The following NRG3 variants were observed in gnomAD, a reference collection of about 807,000 sequenced individuals.
NRG3 encodes the protein pro-neuregulin-3, membrane-bound isoform.
Under a neutral mutation model 66.9 loss-of-function variants are expected in NRG3, and 31 were observed. The ratio of observed to expected loss-of-function variants is 0.46; its 90% CI spans 0.35 to 0.63. The LOEUF (loss-of-function observed/expected upper bound fraction) is 0.63. NRG3 is among the 20% of genes least tolerant of loss of function. The pLI is 0.00. For missense variants in NRG3, 910 were observed against 878.9 expected (o/e 1.04, Z -0.45); for synonymous variants, 393 against 359.4 (o/e 1.09, Z -1.06).
intron 1 of NRG3, among the ~76,000 whole-genome samples, chr10:82,125,583 A>C (rs714255): frequency 6.6e-6 from 1 of 151,740 alleles, no homozygotes; most frequent in Non-Finnish European, 1.5e-5. Flanking sequence ...AAATACCATC[A>C]ATATGCTGGT....
At chr10:82,477,518 C>T (rs1171993580) in intron 2 of NRG3, among the ~76,000 whole-genome samples, 1 of 152,132 alleles carries the variant, frequency 6.6e-6, no homozygotes, top group African/African-American at 2.4e-5. Context: ...AGCCCATGCC[C>T]TTGACCACTT....
intron 1 of NRG3, among the ~76,000 whole-genome samples, chr10:82,043,211 T>G (rs1390722235): frequency 6.6e-6 from 1 of 152,018 alleles, no homozygotes; most frequent in Non-Finnish European, 1.5e-5. Context: ...ATTCAAGTGT[T>G]GTGTGATGGT....
rs144708806 is a variant in NRG3 at position 82,703,455 on chromosome 10, C to T, written c.954-35122C>T. 3.8e-3 allele frequency among the ~76,000 whole-genome samples: 575 copies of T among 152,166 alleles called. 3 individuals carry two copies. Among genetic ancestry groups the T allele is most frequent in the African/African-American group, 0.012 (506 of 41,526 alleles). The stretch of plus-strand genomic sequence containing the variant: ...CCCAAATCACTGTTGGGGGAACAGA[C>T]GATTTATTCTATCTTGCTACTCACT... On this transcript the variant is annotated intron_variant, in intron 2 of 8. Transcript: ENST00000372141.
chr10:82,689,367 G>T (rs1310865710), intron 2 of NRG3, among the ~76,000 whole-genome samples: 1 of 152,112 alleles, frequency 6.6e-6, no homozygotes, highest in Non-Finnish European at 1.5e-5. Context: ...GCACACACTA[G>T]TAGAATAAAT....
At chr10:82,904,390 A>AG (rs1302580944) in intron 4 of NRG3, among the ~76,000 whole-genome samples, 4 of 152,172 alleles carry the variant, frequency 2.6e-5, no homozygotes, top group African/African-American at 9.7e-5. Flanking sequence ...TTAATCATTC[A>AG]ACAACAGAAA....
In NRG3 at chr10:82,829,092, C is replaced by A. The variant is rs1449580239; in HGVS notation, c.1028-36319C>A. On this transcript the variant is annotated intron_variant, in intron 3 of 8. Coordinates refer to ENST00000372141, the MANE Select transcript of NRG3 (RefSeq NM_001010848.4). ...GTTCTAAGCATATACACCTTATATT[C>A]CTGTTAATGGAATTTCAGACTCAAT... Among the ~76,000 whole-genome samples, 4 of 152,074 alleles carry A rather than the reference C, an allele frequency of 2.6e-5. No homozygotes were observed. The South Asian group carries it at 8.3e-4, about 31-fold the overall frequency.
intron 1 of NRG3, among the ~76,000 whole-genome samples, chr10:82,179,483 A>G (rs1301684328): frequency 6.6e-6 from 1 of 151,952 alleles, no homozygotes; most frequent in African/African-American, 2.4e-5. Flanking sequence ...CAGTTTTCTG[A>G]ACATCATTTG....
chr10:82,866,096 T>C (rs1840703071), intron 4 of NRG3, among the ~76,000 whole-genome samples: 1 of 152,134 alleles, frequency 6.6e-6, no homozygotes, highest in South Asian at 2.1e-4. Context: ...TGGTTATACA[T>C]TAAATGAAGA....
chr10:81,982,581 A>T (rs562729883), intron 1 of NRG3, among the ~76,000 whole-genome samples: 22 of 152,348 alleles, frequency 1.4e-4, no homozygotes, highest in Admixed American at 1.4e-3. Flanking sequence ...CTAGAAATTC[A>T]GTATCAAGTT....
At chr10:82,728,216 G>T (rs1288500382) in intron 2 of NRG3, among the ~76,000 whole-genome samples, 1 of 152,060 alleles carries the variant, frequency 6.6e-6, no homozygotes, top group Non-Finnish European at 1.5e-5. Context: ...GATTTGTTTT[G>T]GTTTTGAAAT....
chr10:82,500,127 T>G, intron 2 of NRG3, among the ~76,000 whole-genome samples: 1 of 152,128 alleles, frequency 6.6e-6, no homozygotes, highest in East Asian at 1.9e-4. Flanking sequence ...ATGCTAGAAC[T>G]TGGAGGAGGA....
chr10:82,639,234 A>G (rs2050403414), intron 2 of NRG3, among the ~76,000 whole-genome samples: 1 of 152,014 alleles, frequency 6.6e-6, no homozygotes. Context: ...GTCTAGTGAG[A>G]TCTCTGTGCT....
At chr10:82,166,874 T>A (rs1564625699) in intron 1 of NRG3, 1 of 615,544 alleles carries the variant, frequency 1.6e-6, no homozygotes. Flanking sequence ...AAAGGTATTT[T>A]TTTCTCAGTA....
intron 2 of NRG3, among the ~76,000 whole-genome samples, chr10:82,636,755 T>G (rs1428932361): frequency 6.6e-6 from 1 of 152,074 alleles, no homozygotes; most frequent in Non-Finnish European, 1.5e-5. Context: ...TCTTTGAGTA[T>G]ATACCCAGAA....
intron 1 of NRG3, among the ~76,000 whole-genome samples, chr10:81,961,412 A>G (rs1850346932): frequency 6.6e-6 from 1 of 152,206 alleles, no homozygotes; most frequent in Non-Finnish European, 1.5e-5. Flanking sequence ...AATCTGCTTC[A>G]TCTCTTTACT....
intron 2 of NRG3, among the ~76,000 whole-genome samples, chr10:82,637,660 CAA>C (rs2050288680): frequency 6.6e-6 from 1 of 152,078 alleles, no homozygotes; most frequent in Non-Finnish European, 1.5e-5. Flanking sequence ...CAAAAAATGT[CAA>C]AGTCATGAAA....
intron 1 of NRG3, among the ~76,000 whole-genome samples, chr10:82,233,585 C>G (rs777961285): frequency 6.6e-6 from 1 of 152,160 alleles, no homozygotes; most frequent in Non-Finnish European, 1.5e-5. Flanking sequence ...CATCTATCTT[C>G]TAATGACTTG....
At chr10:82,548,086 A>G (rs1176029340) in intron 2 of NRG3, among the ~76,000 whole-genome samples, 1 of 150,220 alleles carries the variant, frequency 6.7e-6, no homozygotes, top group African/African-American at 2.5e-5. Context: ...CTAGGAGATA[A>G]TAATAAAACC....
chr10:82,048,528 A>G (rs1272788688), intron 1 of NRG3, among the ~76,000 whole-genome samples: 2 of 151,134 alleles, frequency 1.3e-5, no homozygotes, highest in Non-Finnish European at 3.0e-5. Context: ...GAAGGCAGAA[A>G]TAAAGATGTT....
Sources: gnomAD v4.1 joint callset for allele counts (sites outside exome capture counted in the v4.1 genomes callset) on GRCh38, gnomAD v4.1.1 for gene constraint, MANE v1.5 for transcripts, NCBI Gene and HGNC (gene_info 2026-07-23, HGNC 2026-07-21) for gene names.